The following RBM19 variants were observed in gnomAD, a reference collection of about 807,000 sequenced individuals.
RBM19 encodes probable RNA-binding protein 19.
RBM19 carries 94 observed loss-of-function variants against 116.8 expected under a neutral mutation model. The ratio of observed to expected loss-of-function variants is 0.80; its 90% CI spans 0.68 to 0.95. RBM19 has a LOEUF of 0.95. RBM19 is among the 40% of genes least tolerant of loss of function. RBM19 has a pLI of 0.00. For synonymous variants in RBM19, 475 were observed against 494.1 expected (o/e 0.96, Z 0.51); for missense variants, 1,161 against 1,220.7 (o/e 0.95, Z 0.73).
chr12:113,854,959 T>G (rs984310667), intron 22 of RBM19, among the ~76,000 whole-genome samples: 3 of 152,236 alleles, frequency 2.0e-5, no homozygotes, highest in African/African-American at 7.2e-5. Context: ...GCTATTATCA[T>G]CAGTTGCCTG....
At chr12:113,835,461 T>A (rs538584179) in intron 23 of RBM19, among the ~76,000 whole-genome samples, 3 of 152,088 alleles carry the variant, frequency 2.0e-5, no homozygotes, top group African/African-American at 7.2e-5. Flanking sequence ...GGGAGGGGCA[T>A]GACAAGGGAA....
intron 15 of RBM19, among the ~76,000 whole-genome samples, chr12:113,938,368 G>A (rs567143079): frequency 5.4e-4 from 82 of 152,064 alleles, no homozygotes; most frequent in Non-Finnish European, 9.4e-4. Flanking sequence ...GGCAGAGAAT[G>A]AGAAATCATT....
chr12:113,819,759 G>GT (rs1198721403), downstream of RBM19, among the ~76,000 whole-genome samples: 1 of 152,156 alleles, frequency 6.6e-6, no homozygotes, highest in African/African-American at 2.4e-5. Flanking sequence ...GGAATTTCTC[G>GT]TAAGACGCTT....
intron 21 of RBM19, among the ~76,000 whole-genome samples, chr12:113,899,451 ACT>A (rs1260831694): frequency 6.6e-6 from 1 of 152,194 alleles, no homozygotes; most frequent in Non-Finnish European, 1.5e-5. Context: ...AGAGACAGAC[ACT>A]GAGTCCCAGA....
chr12:113,855,951 C>T (rs1593489091), intron 22 of RBM19, among the ~76,000 whole-genome samples: 1 of 152,226 alleles, frequency 6.6e-6, no homozygotes, highest in Non-Finnish European at 1.5e-5. Flanking sequence ...GCAATGGCAG[C>T]TTCCCTAGGA....
At chr12:113,842,181 C>T (rs754646282) in intron 23 of RBM19, among the ~76,000 whole-genome samples, 2 of 152,200 alleles carry the variant, frequency 1.3e-5, no homozygotes, top group Admixed American at 6.5e-5. Context: ...AGTCTTTCCA[C>T]TGTGGCGAGG....
chr12:113,922,603 T>G (rs1001720954), intron 18 of RBM19, among the ~76,000 whole-genome samples: 7 of 151,044 alleles, frequency 4.6e-5, no homozygotes, highest in African/African-American at 1.7e-4. Flanking sequence ...CATCCTGGAC[T>G]TCAGCAATAA....
In RBM19 at chr12:113,825,389, C is replaced by T. The variant is rs2135679852; in HGVS notation, c.2786-2068G>A. ...CGGGGCTCGGACTCCGGCTTCCTCT[C>T]CTTCCTTGTGACCTCCTAGACACTC... On this transcript the variant is annotated intron_variant, in intron 23 of 23. Coordinates refer to ENST00000261741, the MANE Select transcript of RBM19 (RefSeq NM_016196.4). The surrounding 1 kb of genome is among the most constrained non-coding windows in gnomAD (Gnocchi z 5.7). 6.6e-6 allele frequency among the ~76,000 whole-genome samples: 1 copy of T among 152,312 alleles called. No homozygotes were observed. Among genetic ancestry groups the T allele is most frequent in the Middle Eastern group, 3.4e-3 (1 of 294 alleles).
In RBM19 at chr12:113,879,446, T is replaced by TATATATATATATATATATACATAC. The variant is rs893952657; in HGVS notation, c.2559-20551_2559-20550insGTATGTATATATATATATATATAT. ...TACATACATTTTATATATATATATA[T>TATATATATATATATATATACATAC]ATATGGACTTTTCTTTTTTTAAGGG... On this transcript the variant is annotated intron_variant, in intron 21 of 23. Transcript: ENST00000261741. Among the ~76,000 whole-genome samples, 11 of 142,332 alleles carry TATATATATATATATATATACATAC rather than the reference T, an allele frequency of 7.7e-5. No individual in the cohort carries two copies. The East Asian group carries it at 3.0e-3, about 39-fold the overall frequency. The allele number at this position is 142,332 out of a possible 152,430, so 93.4% of individuals were successfully genotyped here.
chr12:113,948,871 C>T lies in RBM19; in HGVS notation c.1238G>A (p.Ser413Asn), dbSNP rs1243883768. Reference protein sequence around the residue: ...RLFVRNLPYTSTEEDLEKLFS... With the variant: ...RLFVRNLPYTNTEEDLEKLFS... The stretch of plus-strand genomic sequence containing the variant: ...GAGCTTCTCCAGATCCTCCTCGGTG[C>T]TGGTGTAGGGCAGGTTCCGTACAAA... Residue 413 changes from serine to asparagine, a missense_variant, in exon 10 of 24, where the codon AGC becomes AAC. Physicochemically the swap from Ser to Asn is conservative, Grantham distance 46. Transcript: ENST00000261741. 2 of 1,614,218 alleles carry T rather than the reference C, an allele frequency of 1.2e-6. No homozygotes were observed. The highest frequency in any genetic ancestry group is 1.3e-5 in the African/African-American group (1 of 75,068).
At chr12:113,937,963 T>C (rs1033657300) in intron 15 of RBM19, among the ~76,000 whole-genome samples, 1 of 152,198 alleles carries the variant, frequency 6.6e-6, no homozygotes, top group African/African-American at 2.4e-5. Context: ...GAAATACACA[T>C]GCTTCAGAGT....
intron 21 of RBM19, among the ~76,000 whole-genome samples, chr12:113,875,451 C>T (rs1352619052): frequency 2.0e-5 from 3 of 152,090 alleles, no homozygotes; most frequent in Non-Finnish European, 4.4e-5. Context: ...CGGGTCTGTG[C>T]GTGGCCTGGA....
rs1042765337 is a variant in RBM19, at chr12:113,942,062, T to C, written c.1737+262A>G. Among the ~76,000 whole-genome samples the C allele has an allele frequency of 2.6e-5, 4 of 151,728 alleles. No homozygotes were observed. In the East Asian group the frequency reaches 7.7e-4, roughly 29 times the overall value. Reference sequence around the variant, plus strand: ...GAAGCCACTGGGTAGGGGAGTGAGATGTTGGGGGTGCCGATCTGTGTGGGG... The same window carrying C: ...GAAGCCACTGGGTAGGGGAGTGAGACGTTGGGGGTGCCGATCTGTGTGGGG... On this transcript the variant is annotated intron_variant, in intron 14 of 23. Transcript: ENST00000261741.
intron 21 of RBM19, among the ~76,000 whole-genome samples, chr12:113,885,988 C>T (rs1156553520): frequency 2.0e-5 from 3 of 151,638 alleles, no homozygotes; most frequent in African/African-American, 4.9e-5. Context: ...CCTGCCTCAG[C>T]CTCCCAAGTA....
intron 5 of RBM19, among the ~76,000 whole-genome samples, chr12:113,958,670 C>A (rs1872193677): frequency 6.6e-6 from 1 of 152,106 alleles, no homozygotes; most frequent in Admixed American, 6.5e-5. Context: ...ACCTTTAGAC[C>A]CAAATAGATG....
chr12:113,918,560 CG>C (rs1566016397), intron 19 of RBM19, 113 bp from the exon 20 acceptor site: 4 of 1,088,462 alleles, frequency 3.7e-6, no homozygotes, highest in Non-Finnish European at 5.5e-6. Flanking sequence ...GATTGTTCCC[CG>C]GGGAGTGGGG....
intron 22 of RBM19, among the ~76,000 whole-genome samples, chr12:113,849,126 C>T (rs1226155276): frequency 6.6e-6 from 1 of 152,228 alleles, no homozygotes; most frequent in Non-Finnish European, 1.5e-5. Flanking sequence ...GCTCCTCCTG[C>T]ACAGGCAACA....
At chr12:113,848,740 T>C (rs1877192836) in intron 22 of RBM19, among the ~76,000 whole-genome samples, 2 of 152,066 alleles carry the variant, frequency 1.3e-5, no homozygotes, top group African/African-American at 4.8e-5. Flanking sequence ...CTCCACCTTC[T>C]CCCAAGCGTT....
intron 22 of RBM19, among the ~76,000 whole-genome samples, chr12:113,845,237 GT>G (rs971645172): frequency 6.6e-6 from 1 of 152,110 alleles, no homozygotes; most frequent in African/African-American, 2.4e-5. Context: ...TGGTGACTCT[GT>G]CCCCCACGCT....
Sources: allele counts gnomAD v4.1 joint callset (sites outside exome capture counted in the v4.1 genomes callset), GRCh38; gene constraint gnomAD v4.1.1; non-coding constraint Gnocchi (gnomAD v3.1); transcripts MANE v1.5; gene names NCBI Gene and HGNC (gene_info 2026-07-23, HGNC 2026-07-21).